The following CHP1 variants were observed in gnomAD, a reference collection of about 807,000 sequenced individuals.
CHP1 encodes the protein calcineurin like EF-hand protein 1.
CHP1 carries 11 observed loss-of-function variants against 27.4 expected under a neutral mutation model. The ratio of observed to expected loss-of-function variants is 0.40; its 90% CI spans 0.25 to 0.67. The LOEUF (loss-of-function observed/expected upper bound fraction) is 0.67. Among genes scored for constraint, CHP1 ranks in the 30% least tolerant of loss-of-function variants. The probability of loss-of-function intolerance (pLI) is 0.38; values close to 1 mark genes in which losing one functional copy is unlikely to be tolerated. For synonymous variants in CHP1, 89 were observed against 87.4 expected, an observed-to-expected ratio of 1.02 and a Z score of -0.10; for missense variants, 169 against 251.3, an observed-to-expected ratio of 0.67 and a Z score of 2.22.
chr15:41,245,153 T>C (rs1158834329), intron 2 of CHP1, among the ~76,000 whole-genome samples: 1 of 152,192 alleles, frequency 6.6e-6, no homozygotes, highest in African/African-American at 2.4e-5. Flanking sequence ...TGGAATTATA[T>C]GGCCCTCTCA....
chr15:41,266,287 GAAT>G (rs1022885667), intron 4 of CHP1, among the ~76,000 whole-genome samples: 27 of 151,248 alleles, frequency 1.8e-4, no homozygotes, highest in African/African-American at 2.7e-4. Flanking sequence ...CCATCTCAAA[GAAT>G]AATAATAATA....
chr15:41,252,927 GTTTTTTTTTTTTTTT>G (rs144891496), intron 2 of CHP1, among the ~76,000 whole-genome samples: 1 of 65,722 alleles, frequency 1.5e-5, no homozygotes, highest in Non-Finnish European at 2.7e-5. Flanking sequence ...ATTTCACATG[GTTTTTTTTTTTTTTT>G]TTTTTTTTTT....
Position 41,243,694 on chromosome 15 carries a change from A to G in CHP1, c.95A>G (p.Tyr32Cys), listed in dbSNP as rs991610211. 1 of 1,613,980 alleles carries G rather than the reference A, an allele frequency of 6.2e-7. No individual in the cohort carries two copies. The highest frequency in any genetic ancestry group is 2.2e-5 in the East Asian group (1 of 44,888). ...GFSHSQITRL[Y>C]SRFTSLDKGE... ...TCCCACAGTCAAATCACTCGCCTCT[A>G]CAGCCGGTTCACCAGCCTGGACAAA... Residue 32 changes from tyrosine to cysteine, a missense_variant, in exon 2 of 7, where the codon TAC becomes TGC. By Grantham distance (194) the Tyr-to-Cys change is radical (BLOSUM62 -2). Transcript: ENST00000334660.
intron 4 of CHP1, among the ~76,000 whole-genome samples, chr15:41,267,929 T>TAAA (rs57565577): frequency 0.1 from 12,272 of 116,926 alleles, 851 homozygotes; most frequent in African/African-American, 0.2. Flanking sequence ...CCCTATCTCT[T>TAAA]AAAAAAAAAA....
At position 41,279,477 on chromosome 15, in the gene CHP1, T is replaced by G; in HGVS notation, c.*88T>G. Reference sequence around the variant, plus strand: ...TACCAACTCCACCTCCACCCCCTCATTCCCCTTCTCCCAAAGTACTACTGC... The same window carrying G: ...TACCAACTCCACCTCCACCCCCTCAGTCCCCTTCTCCCAAAGTACTACTGC... On this transcript the variant is annotated 3_prime_UTR_variant, in exon 7 of 7. Transcript: ENST00000334660. 3 of 1,083,450 alleles carry G rather than the reference T, an allele frequency of 2.8e-6. No individual in the cohort carries two copies. Among genetic ancestry groups the G allele is most frequent in the Non-Finnish European group, 4.2e-6 (3 of 712,962 alleles). The allele number at this position is 1,083,450 out of a possible 1,614,324, so 67.1% of individuals were successfully genotyped here.
chr15:41,268,891 C>T (rs886884910), intron 4 of CHP1, among the ~76,000 whole-genome samples: 4 of 151,862 alleles, frequency 2.6e-5, no homozygotes, highest in African/African-American at 7.3e-5. Flanking sequence ...ACCCAGGAGG[C>T]GGAGCTTGCC....
chr15:41,257,905 A>G (rs2047408778), intron 3 of CHP1, among the ~76,000 whole-genome samples: 1 of 152,170 alleles, frequency 6.6e-6, no homozygotes, highest in Non-Finnish European at 1.5e-5. Context: ...TGTAATTTAC[A>G]CTTAAACACA....
intron 2 of CHP1, among the ~76,000 whole-genome samples, chr15:41,249,866 T>TG (rs1316114212): frequency 2.0e-5 from 3 of 151,288 alleles, no homozygotes; most frequent in Non-Finnish European, 4.4e-5. Context: ...TCTTTCAAGG[T>TG]GCTCCATGTC....
In CHP1 at chr15:41,258,464, A is replaced by G. The variant is rs140127313; in HGVS notation, c.221+1474A>G. On this transcript the variant is annotated intron_variant, in intron 3 of 6. Coordinates refer to ENST00000334660, the MANE Select transcript of CHP1 (RefSeq NM_007236.5). ...TATAGCACTTCCCCGCCTCCAGTAC[A>G]GGATCTAGTCTGGGTCAGTTGTCAT... is the stretch of plus-strand genomic sequence containing the variant. Among the ~76,000 whole-genome samples, 163 of 152,308 alleles carry G rather than the reference A, an allele frequency of 1.1e-3. 2 individuals carry two copies. Among genetic ancestry groups the G allele is most frequent in the African/African-American group, 3.6e-3 (150 of 41,576 alleles).
intron 5 of CHP1, among the ~76,000 whole-genome samples, chr15:41,271,016 A>G (rs8029873): frequency 0.38 from 58,117 of 151,474 alleles, 12,082 homozygotes; most frequent in African/African-American, 0.57. Context: ...AGCACTTTGG[A>G]AGGCCGAGGC....
chr15:41,278,648 A>AT, intron 5 of CHP1, 119 bp from the exon 6 acceptor site: 1 of 1,201,142 alleles, frequency 8.3e-7, no homozygotes, highest in Non-Finnish European at 1.2e-6. Context: ...TATGCAGTGC[A>AT]TGACTGTATT....
intron 3 of CHP1, 41 bp from the exon 4 acceptor site, chr15:41,262,715 G>A (rs565618329): frequency 9.3e-6 from 15 of 1,605,608 alleles, no homozygotes; most frequent in South Asian, 8.8e-5. Flanking sequence ...AATAATCACC[G>A]TGATTGACAT....
At chr15:41,258,164 G>A (rs2047412483) in intron 3 of CHP1, among the ~76,000 whole-genome samples, 1 of 151,954 alleles carries the variant, frequency 6.6e-6, no homozygotes, top group African/African-American at 2.4e-5. Context: ...ACATACTTAT[G>A]TAATTTTTTT....
intron 2 of CHP1, among the ~76,000 whole-genome samples, chr15:41,253,082 G>T (rs981602382): frequency 6.6e-6 from 1 of 151,736 alleles, no homozygotes; most frequent in Admixed American, 6.6e-5. Flanking sequence ...GGGACTACAG[G>T]CTCGCGCCAC....
chr15:41,266,010 G>A (rs1225057810), intron 4 of CHP1, among the ~76,000 whole-genome samples: 3 of 151,790 alleles, frequency 2.0e-5, no homozygotes, highest in African/African-American at 4.8e-5. Context: ...TAGGCCAGGC[G>A]CGGTGGCTCA....
chr15:41,262,840 G>A lies in CHP1; in HGVS notation c.306G>A (p.Val102=). 11 of 1,614,128 alleles carry A rather than the reference G, an allele frequency of 6.8e-6. No homozygotes were observed. Among genetic ancestry groups the A allele is most frequent in the Non-Finnish European group, 9.3e-6 (11 of 1,180,024 alleles). Reference sequence around the variant, plus strand: ...AGGATAATGAAAAGAGCAAAGATGTGAATGGACCCGAACCACTCAACAGCC... The same window carrying A: ...AGGATAATGAAAAGAGCAAAGATGTAAATGGACCCGAACCACTCAACAGCC... ...PIEDNEKSKD[V]NGPEPLNSRS... Residue 102 remains valine, a synonymous_variant, in exon 4 of 7, where the codon GTG becomes GTA. Transcript: ENST00000334660.
At position 41,278,663 on chromosome 15, in the gene CHP1, G is replaced by C. The variant is rs1021962567; in HGVS notation, c.412-104G>C. 3 of 1,378,024 alleles carry C rather than the reference G, an allele frequency of 2.2e-6. No homozygotes were observed. The African/African-American group carries it at 4.3e-5, about 20-fold the overall frequency. The allele number at this position is 1,378,024 out of a possible 1,614,324, so 85.4% of individuals were successfully genotyped here. ...TATGCAGTGCATGACTGTATTTGAGGGCATCAAAGGAAAAGGAGGATGGTG... is the reference window on the plus strand; with the variant it reads ...TATGCAGTGCATGACTGTATTTGAGCGCATCAAAGGAAAAGGAGGATGGTG... On this transcript the variant is annotated intron_variant, in intron 5 of 6. Coordinates refer to ENST00000334660, the MANE Select transcript of CHP1 (RefSeq NM_007236.5).
In CHP1 at chr15:41,244,025, C is replaced by G. The variant is rs577520314; in HGVS notation, c.140+286C>G. Among the ~76,000 whole-genome samples, 233 of 152,128 alleles carry G rather than the reference C, an allele frequency of 1.5e-3. 1 individual carries two copies. The highest frequency in any genetic ancestry group is 5.0e-3 in the African/African-American group (209 of 41,510). On this transcript the variant is annotated intron_variant, in intron 2 of 6. Transcript: ENST00000334660. ...CCAGCCTGACCAACATGGTGAAACC[C>G]CGTCTCTACTAAAAATACAAAAATT...
At chr15:41,248,851 A>G (rs1279391507) in intron 2 of CHP1, among the ~76,000 whole-genome samples, 1 of 152,216 alleles carries the variant, frequency 6.6e-6, no homozygotes, top group Non-Finnish European at 1.5e-5. Flanking sequence ...AACGAGTAAT[A>G]TATTTTATGT....
Sources: gnomAD v4.1 joint callset for allele counts (sites outside exome capture counted in the v4.1 genomes callset) on GRCh38, gnomAD v4.1.1 for gene constraint, MANE v1.5 for transcripts, NCBI Gene and HGNC (gene_info 2026-07-23, HGNC 2026-07-21) for gene names.